The following ATP6V1E1 variants were observed in gnomAD, a reference collection of about 807,000 sequenced individuals.
ATP6V1E1 encodes V-type proton ATPase subunit E 1.
A neutral mutation model predicts 35.2 loss-of-function variants in ATP6V1E1; 21 were observed. That is an observed-to-expected ratio of 0.60 (90% confidence interval 0.42 to 0.86). The LOEUF (loss-of-function observed/expected upper bound fraction) is 0.86, where lower values mean the gene tolerates loss of function less well. Ranked by LOEUF, ATP6V1E1 falls within the 40% of genes least tolerant of loss-of-function variation. The pLI is 0.00. For synonymous variants in ATP6V1E1, 83 were observed against 87.8 expected, an observed-to-expected ratio of 0.95 and a Z score of 0.30; for missense variants, 183 against 272.6, an observed-to-expected ratio of 0.67 and a Z score of 2.32.
chr22:17,611,341 G>A (rs2146307408), intron 4 of ATP6V1E1, among the ~76,000 whole-genome samples: 1 of 152,350 alleles, frequency 6.6e-6, no homozygotes, highest in South Asian at 2.1e-4. Flanking sequence ...CTAATCCCAT[G>A]TGGCAAGATA....
At chr22:17,615,527 C>T (rs2146311017) in intron 2 of ATP6V1E1, among the ~76,000 whole-genome samples, 1 of 150,942 alleles carries the variant, frequency 6.6e-6, no homozygotes, top group East Asian at 2.0e-4. Context: ...GCCTGTAATC[C>T]CAGCTACCCA....
chr22:17,601,856 C>T (rs2057763739), intron 4 of ATP6V1E1, among the ~76,000 whole-genome samples: 1 of 152,222 alleles, frequency 6.6e-6, no homozygotes, highest in Non-Finnish European at 1.5e-5. Flanking sequence ...ATCCGCCTGC[C>T]TTGGCCTCCC....
chr22:17,628,122 C>A (rs1362888754), intron 1 of ATP6V1E1, among the ~76,000 whole-genome samples: 1 of 151,850 alleles, frequency 6.6e-6, no homozygotes, highest in Non-Finnish European at 1.5e-5. Context: ...CGCGCCACCA[C>A]GTCCGGCTAA....
intron 4 of ATP6V1E1, among the ~76,000 whole-genome samples, chr22:17,606,359 T>C (rs918622399): frequency 4.5e-5 from 6 of 133,566 alleles, no homozygotes; most frequent in Non-Finnish European, 3.3e-5. Context: ...TCAAAGCATG[T>C]ATGTGTGCTT....
chr22:17,612,485 T>A, intron 4 of ATP6V1E1: 1 of 222,040 alleles, frequency 4.5e-6, no homozygotes, highest in Non-Finnish European at 8.7e-6. Context: ...TGAAAACAGG[T>A]GAAGCTCTTC....
At chr22:17,605,203 C>T (rs1601380240) in intron 4 of ATP6V1E1, among the ~76,000 whole-genome samples, 1 of 75,998 alleles carries the variant, frequency 1.3e-5, no homozygotes, top group African/African-American at 8.4e-5. Flanking sequence ...GAGACTTCAT[C>T]TCAAAAAAAA....
intron 1 of ATP6V1E1, among the ~76,000 whole-genome samples, chr22:17,620,150 GTT>G (rs35111647): frequency 3.7e-5 from 5 of 136,006 alleles, no homozygotes; most frequent in African/African-American, 5.4e-5. Flanking sequence ...CCTTCCCTTT[GTT>G]TTTTTTTTTT....
chr22:17,626,321 A>AG (rs2057904816), intron 1 of ATP6V1E1, among the ~76,000 whole-genome samples: 1 of 146,090 alleles, frequency 6.8e-6, no homozygotes, highest in African/African-American at 2.6e-5. Flanking sequence ...AAAAAAAAAA[A>AG]AAAAAAAGAA....
chr22:17,594,449 T>C, intron 8 of ATP6V1E1, 80 bp downstream of exon 8: 3 of 1,115,884 alleles, frequency 2.7e-6, no homozygotes, highest in Non-Finnish European at 3.7e-6. Context: ...AAATCCCAAA[T>C]ACCAGTGAAT....
intron 1 of ATP6V1E1, among the ~76,000 whole-genome samples, chr22:17,621,452 C>T (rs1393732223): frequency 2.0e-5 from 3 of 152,116 alleles, no homozygotes; most frequent in African/African-American, 4.8e-5. Context: ...CGTGTCACCA[C>T]GTCCAGCTTA....
chr22:17,627,075 C>T lies in ATP6V1E1; in HGVS notation c.33+1528G>A, dbSNP rs552790845. Among the ~76,000 whole-genome samples, 10 of 152,200 alleles carry T rather than the reference C, an allele frequency of 6.6e-5. No individual in the cohort carries two copies. The South Asian group carries it at 8.3e-4, about 13-fold the overall frequency. ...CACAATCTTGGCTCACTGCAACCTCCGCCTGCCGGGTTCAAGCGATTCTCC... is the reference window on the plus strand; with the variant it reads ...CACAATCTTGGCTCACTGCAACCTCTGCCTGCCGGGTTCAAGCGATTCTCC... On this transcript the variant is annotated intron_variant, in intron 1 of 8. Transcript: ENST00000253413.
At chr22:17,614,455 G>A (rs533493138) in intron 2 of ATP6V1E1, among the ~76,000 whole-genome samples, 3 of 151,868 alleles carry the variant, frequency 2.0e-5, no homozygotes, top group South Asian at 2.1e-4. Context: ...TCGGGAGTTC[G>A]AGACCAGCCT....
At chr22:17,622,305 T>C (rs1267800554) in intron 1 of ATP6V1E1, among the ~76,000 whole-genome samples, 1 of 152,184 alleles carries the variant, frequency 6.6e-6, no homozygotes, top group Non-Finnish European at 1.5e-5. Context: ...CCATAGGAGA[T>C]GCTCAAAAAA....
intron 8 of ATP6V1E1, among the ~76,000 whole-genome samples, 166 bp downstream of exon 8, chr22:17,594,363 C>T (rs1160780145): frequency 1.3e-5 from 2 of 152,148 alleles, no homozygotes; most frequent in African/African-American, 4.8e-5. Flanking sequence ...GTAAATGTTA[C>T]CACCTCAGCA....
At chr22:17,621,145 G>A (rs1366203853) in intron 1 of ATP6V1E1, among the ~76,000 whole-genome samples, 2 of 152,060 alleles carry the variant, frequency 1.3e-5, no homozygotes, top group Non-Finnish European at 2.9e-5. Flanking sequence ...TCTCCTCTCA[G>A]CTAAACTACT....
intron 1 of ATP6V1E1, among the ~76,000 whole-genome samples, chr22:17,625,920 G>A (rs1397459493): frequency 2.0e-5 from 3 of 151,720 alleles, no homozygotes; most frequent in Non-Finnish European, 4.4e-5. Flanking sequence ...ACTGATGTGG[G>A]TTCACGACTT....
At chr22:17,617,479 A>C (rs892860000) in intron 2 of ATP6V1E1, among the ~76,000 whole-genome samples, 2 of 152,056 alleles carry the variant, frequency 1.3e-5, no homozygotes, top group Admixed American at 6.6e-5. Context: ...TTTTTTGTAG[A>C]GATGGGGTTT....
chr22:17,620,848 G>A (rs1270450035), intron 1 of ATP6V1E1, among the ~76,000 whole-genome samples: 2 of 152,110 alleles, frequency 1.3e-5, no homozygotes, highest in Non-Finnish European at 2.9e-5. Flanking sequence ...CGGATCACGA[G>A]GTCAGGAGAT....
intron 1 of ATP6V1E1, among the ~76,000 whole-genome samples, chr22:17,627,571 C>T (rs2057920294): frequency 6.6e-6 from 1 of 151,424 alleles, no homozygotes; most frequent in Non-Finnish European, 1.5e-5. Context: ...GTAATCCCAG[C>T]ACTTTGGGAG....
Sources: allele counts gnomAD v4.1 joint callset (sites outside exome capture counted in the v4.1 genomes callset), GRCh38; gene constraint gnomAD v4.1.1; transcripts MANE v1.5; gene names NCBI Gene and HGNC (gene_info 2026-07-23, HGNC 2026-07-21).